CCDC91: variants seen among roughly 807,000 people sequenced by gnomAD.
CCDC91 encodes coiled-coil domain-containing protein 91.
CCDC91 carries 48 observed loss-of-function variants against 63.2 expected under a neutral mutation model. The ratio of observed to expected loss-of-function variants is 0.76; its 90% CI spans 0.60 to 0.97. The LOEUF is 0.97. Ranked by LOEUF, CCDC91 falls within the 50% of genes least tolerant of loss-of-function variation. The pLI, the probability that CCDC91 is intolerant of heterozygous loss-of-function variation, is 0.00. For synonymous variants in CCDC91, 167 were observed against 165.8 expected, an observed-to-expected ratio of 1.01 and a Z score of -0.06; for missense variants, 500 against 494.6, an observed-to-expected ratio of 1.01 and a Z score of -0.10.
At chr12:28,430,067 A>G (rs530861364) in intron 8 of CCDC91, among the ~76,000 whole-genome samples, 1 of 152,028 alleles carries the variant, frequency 6.6e-6, no homozygotes, top group Non-Finnish European at 1.5e-5. Flanking sequence ...AGGGAAGACT[A>G]TTATAAGTGT....
At position 28,549,381 on chromosome 12, in the gene CCDC91, A is replaced by G. The variant is rs1450204172; in HGVS notation, c.*208A>G. 5.1e-6 allele frequency: 2 copies of G among 389,006 alleles called. No homozygotes were observed. Among genetic ancestry groups the G allele is most frequent in the Non-Finnish European group, 9.5e-6 (2 of 211,594 alleles). 24.1% of individuals were successfully genotyped at this position (389,006 alleles called of 1,614,324 possible). On this transcript the variant is annotated 3_prime_UTR_variant, in exon 13 of 13. Coordinates refer to ENST00000536442, the MANE Select transcript of CCDC91 (RefSeq NM_018318.5). ...TCTTCTTTACATTTACTGTTATTTT[A>G]TTATTATTAGTAGTAGCAGCAACAG...
chr12:28,338,141 C>A (rs1020839663), intron 6 of CCDC91, among the ~76,000 whole-genome samples: 1 of 151,906 alleles, frequency 6.6e-6, no homozygotes, highest in Admixed American at 6.6e-5. Context: ...GAATAATAAG[C>A]AAGCTGGAAA....
intron 8 of CCDC91, among the ~76,000 whole-genome samples, chr12:28,424,953 G>T (rs1157666833): frequency 6.6e-6 from 1 of 152,090 alleles, no homozygotes; most frequent in East Asian, 1.9e-4. Flanking sequence ...GTGAGGCAAA[G>T]ATCCAATATC....
chr12:28,422,045 T>C (rs1181738339), intron 8 of CCDC91, among the ~76,000 whole-genome samples: 1 of 152,154 alleles, frequency 6.6e-6, no homozygotes, highest in Non-Finnish European at 1.5e-5. Flanking sequence ...TAATGTATAA[T>C]AGTCTTTGAA....
chr12:28,449,055 A>G (rs1949674239), intron 8 of CCDC91, among the ~76,000 whole-genome samples: 1 of 152,074 alleles, frequency 6.6e-6, no homozygotes, highest in African/African-American at 2.4e-5. Flanking sequence ...AATGATTTGT[A>G]TCACAGTTTG....
intron 12 of CCDC91, among the ~76,000 whole-genome samples, chr12:28,486,644 A>G (rs1306658403): frequency 6.6e-6 from 1 of 152,074 alleles, no homozygotes; most frequent in Non-Finnish European, 1.5e-5. Flanking sequence ...TGCCTTTTTA[A>G]GAGATATCTG....
chr12:28,524,636 C>T (rs1941086897), intron 12 of CCDC91, among the ~76,000 whole-genome samples: 1 of 151,904 alleles, frequency 6.6e-6, no homozygotes, highest in African/African-American at 2.4e-5. Context: ...GGGAGGCGTC[C>T]CTCTTTTTCT....
chr12:28,520,359 T>C (rs542625311), intron 12 of CCDC91, among the ~76,000 whole-genome samples: 1 of 152,246 alleles, frequency 6.6e-6, no homozygotes, highest in African/African-American at 2.4e-5. Context: ...GTTGGCTGCA[T>C]AAATGTCTTC....
chr12:28,367,073 C>G (rs965236221), intron 7 of CCDC91, among the ~76,000 whole-genome samples: 2 of 152,078 alleles, frequency 1.3e-5, no homozygotes, highest in African/African-American at 4.8e-5. Flanking sequence ...TTATATAATA[C>G]TCATATCAGG....
chr12:28,284,627 TG>T (rs1482330444), intron 3 of CCDC91, among the ~76,000 whole-genome samples: 1 of 149,784 alleles, frequency 6.7e-6, no homozygotes, highest in Non-Finnish European at 1.5e-5. Flanking sequence ...CTCTCCAACC[TG>T]GGCAACAAGA....
chr12:28,351,128 G>T (rs543074923), intron 6 of CCDC91, among the ~76,000 whole-genome samples: 47 of 152,194 alleles, frequency 3.1e-4, no homozygotes, highest in African/African-American at 1.1e-3. Flanking sequence ...GCTTTACATT[G>T]AAAATCTCAT....
chr12:28,423,355 A>G (rs1332678299), intron 8 of CCDC91, among the ~76,000 whole-genome samples: 1 of 152,156 alleles, frequency 6.6e-6, no homozygotes, highest in Non-Finnish European at 1.5e-5. Flanking sequence ...AAATATTAGT[A>G]AGTTTCTTAT....
intron 6 of CCDC91, among the ~76,000 whole-genome samples, chr12:28,314,172 T>G (rs116602030): frequency 0.039 from 1,598 of 40,908 alleles, 7 homozygotes; most frequent in Admixed American, 0.069. Context: ...TTATTTGGCT[T>G]GAAAATTTAA....
chr12:28,335,027 A>G (rs1014159527), intron 6 of CCDC91, among the ~76,000 whole-genome samples: 1 of 146,798 alleles, frequency 6.8e-6, no homozygotes, highest in African/African-American at 2.5e-5. Flanking sequence ...ATATATAAAA[A>G]TATATAAAAT....
intron 8 of CCDC91, among the ~76,000 whole-genome samples, chr12:28,424,213 A>G (rs923096410): frequency 2.0e-5 from 3 of 152,148 alleles, no homozygotes; most frequent in Non-Finnish European, 2.9e-5. Flanking sequence ...TACAGGAGTG[A>G]GTTACTGTGC....
intron 3 of CCDC91, among the ~76,000 whole-genome samples, chr12:28,277,187 C>T (rs1948289806): frequency 1.3e-5 from 2 of 151,788 alleles, no homozygotes; most frequent in South Asian, 4.2e-4. Context: ...ATAACAATAA[C>T]CCCAAAACTG....
intron 11 of CCDC91, among the ~76,000 whole-genome samples, chr12:28,478,874 A>G (rs1951275268): frequency 6.6e-6 from 1 of 152,170 alleles, no homozygotes; most frequent in African/African-American, 2.4e-5. Context: ...GCTCATCATC[A>G]CTGGCCATTA....
At chr12:28,396,702 G>C (rs1161879838) in intron 8 of CCDC91, among the ~76,000 whole-genome samples, 1 of 151,452 alleles carries the variant, frequency 6.6e-6, no homozygotes, top group Admixed American at 6.6e-5. Context: ...GTGTGTTTGT[G>C]ACACAAACAC....
rs148847538 is a variant in CCDC91, at chr12:28,445,670, A to G, written c.763-4491A>G. Among the ~76,000 whole-genome samples, 24 of 152,334 alleles carry G rather than the reference A, an allele frequency of 1.6e-4. 1 individual carries two copies. In the East Asian group the frequency reaches 4.4e-3, roughly 28 times the overall value. On this transcript the variant is annotated intron_variant, in intron 8 of 12. Transcript: ENST00000536442. The stretch of plus-strand genomic sequence containing the variant: ...AGGCTGCCATTAAAAAGCACCCACC[A>G]TAGACTGGCTTAAACAACAGGAATT...
Sources: gnomAD v4.1 joint callset for allele counts (sites outside exome capture counted in the v4.1 genomes callset) on GRCh38, gnomAD v4.1.1 for gene constraint, MANE v1.5 for transcripts, NCBI Gene and HGNC (gene_info 2026-07-23, HGNC 2026-07-21) for gene names.